Variants in GPCPD1 observed in about 807,000 individuals in gnomAD.
The protein encoded by GPCPD1 is glycerophosphocholine phosphodiesterase GPCPD1.
In GPCPD1, 29 loss-of-function variants were observed where a neutral mutation model predicts 89.2. That is an observed-to-expected ratio of 0.33 (90% CI 0.24 to 0.44). GPCPD1 has a LOEUF of 0.44. Among genes scored for constraint, GPCPD1 ranks in the 20% least tolerant of loss-of-function variants. The pLI, the probability that GPCPD1 is intolerant of heterozygous loss-of-function variation, is 1.00. For synonymous variants in GPCPD1, 258 were observed against 266.3 expected, an observed-to-expected ratio of 0.97 and a Z score of 0.30; for missense variants, 594 against 808.9, an observed-to-expected ratio of 0.73 and a Z score of 3.22.
intron 19 of GPCPD1, among the ~76,000 whole-genome samples, chr20:5,557,618 A>C (rs1248570935): frequency 6.6e-6 from 1 of 152,194 alleles, no homozygotes; most frequent in Non-Finnish European, 1.5e-5. Context: ...AGAACACAGA[A>C]AGTTATGAAA....
chr20:5,550,280 A>T (rs1985317570), intron 19 of GPCPD1, among the ~76,000 whole-genome samples: 1 of 141,028 alleles, frequency 7.1e-6, no homozygotes, highest in Non-Finnish European at 1.6e-5. Flanking sequence ...CTTTCAAATG[A>T]AGCAAAAAAA....
rs533845693 is a variant in GPCPD1 at position 5,550,014 on chromosome 20, G to A, written c.1830-2164C>T. 2.1e-3 allele frequency among the ~76,000 whole-genome samples: 320 copies of A among 151,980 alleles called. 5 individuals are homozygous for A. Among genetic ancestry groups the A allele is most frequent in the African/African-American group, 7.2e-3 (300 of 41,500 alleles). ...TCAAGACCAGCCTGGGCAACATGGC[G>A]AAACCCTGTCTCTACTAAAATACAA... On this transcript the variant is annotated intron_variant, in intron 19 of 19. Coordinates refer to ENST00000379019, the MANE Select transcript of GPCPD1 (RefSeq NM_019593.5).
At chr20:5,591,591 T>C (rs1038776463) in intron 4 of GPCPD1, among the ~76,000 whole-genome samples, 2 of 152,236 alleles carry the variant, frequency 1.3e-5, no homozygotes, top group African/African-American at 2.4e-5. Context: ...TTTATATTCG[T>C]AACATTATGT....
intron 15 of GPCPD1, among the ~76,000 whole-genome samples, chr20:5,564,403 C>T (rs1986258468): frequency 6.6e-6 from 1 of 151,760 alleles, no homozygotes; most frequent in Admixed American, 6.6e-5. Flanking sequence ...CTCTCCTTCC[C>T]ATTTATAAAC....
intron 19 of GPCPD1, among the ~76,000 whole-genome samples, chr20:5,555,681 C>A (rs1055611773): frequency 6.6e-6 from 1 of 152,146 alleles, no homozygotes; most frequent in African/African-American, 2.4e-5. Context: ...CATGGCAAAA[C>A]CTCTTCTCTA....
At chr20:5,565,522 T>C in intron 14 of GPCPD1, among the ~76,000 whole-genome samples, 1 of 152,274 alleles carries the variant, frequency 6.6e-6, no homozygotes, top group East Asian at 1.9e-4. Flanking sequence ...AGCCACCGTG[T>C]CCAGCCCCTA....
chr20:5,604,791 A>ACACACACACACACACG (rs1274752573), intron 1 of GPCPD1, among the ~76,000 whole-genome samples: 79 of 150,832 alleles, frequency 5.2e-4, no homozygotes, highest in Non-Finnish European at 4.3e-4. Flanking sequence ...ACACACACAC[A>ACACACACACACACACG]CACACACACA....
chr20:5,584,987 C>T (rs913079976), intron 5 of GPCPD1: 1 of 152,188 alleles, frequency 6.6e-6, no homozygotes, highest in African/African-American at 2.4e-5. Context: ...GTCTGAAATA[C>T]TTGCAAAATG....
In GPCPD1 at chr20:5,553,575, G is replaced by A. The variant is rs139845520; in HGVS notation, c.1829+4370C>T. On this transcript the variant is annotated intron_variant, in intron 19 of 19. Coordinates refer to ENST00000379019, the MANE Select transcript of GPCPD1 (RefSeq NM_019593.5). Reference sequence around the variant, plus strand: ...CCTCTTGAACCAAACTGTTAACCAAGTTATGAATGCAAAGTCCTTGAAGGA... The same window carrying A: ...CCTCTTGAACCAAACTGTTAACCAAATTATGAATGCAAAGTCCTTGAAGGA... Among the ~76,000 whole-genome samples the A allele has an allele frequency of 2.1e-3, 320 of 152,282 alleles. 1 individual carries two copies. Among genetic ancestry groups the A allele is most frequent in the African/African-American group, 7.3e-3 (303 of 41,562 alleles).
chr20:5,571,501 C>A (rs547617169), intron 11 of GPCPD1, among the ~76,000 whole-genome samples: 142 of 152,112 alleles, frequency 9.3e-4, no homozygotes, highest in African/African-American at 3.3e-3. Context: ...TTAAAATAAG[C>A]CAATAATAAT....
intron 15 of GPCPD1, among the ~76,000 whole-genome samples, chr20:5,564,527 C>T (rs1037689027): frequency 6.6e-6 from 1 of 152,128 alleles, no homozygotes; most frequent in African/African-American, 2.4e-5. Context: ...AAGTATACTA[C>T]ACAAGAATGA....
At chr20:5,565,159 A>G (rs1194309776) in intron 14 of GPCPD1, 81 bp from the exon 15 acceptor site, 2 of 765,962 alleles carry the variant, frequency 2.6e-6, no homozygotes, top group Non-Finnish European at 4.7e-6. Context: ...TAGTGCCAAA[A>G]AAAACAGGGA....
chr20:5,582,751 T>C (rs1443142993), intron 6 of GPCPD1, among the ~76,000 whole-genome samples: 1 of 151,668 alleles, frequency 6.6e-6, no homozygotes, highest in Non-Finnish European at 1.5e-5. Context: ...TAGCCAGGCG[T>C]GATGACACTC....
chr20:5,579,500 A>G (rs1162964230), intron 7 of GPCPD1, among the ~76,000 whole-genome samples: 1 of 152,142 alleles, frequency 6.6e-6, no homozygotes, highest in Non-Finnish European at 1.5e-5. Flanking sequence ...GGCGCCCAAC[A>G]GCATGCCCAG....
rs202059285 is a variant in GPCPD1, at chr20:5,573,987, A to G, written c.1002-18T>C. ...TAGCCAGCCTGAAAAGAAGAAATAC[A>G]GTTAACATAGACTATAGAGAAGATA... On this transcript the variant is annotated intron_variant, in intron 10 of 19. Coordinates refer to ENST00000379019, the MANE Select transcript of GPCPD1 (RefSeq NM_019593.5). The G allele has an allele frequency of 8.2e-7, 1 of 1,221,854 alleles. No homozygotes were observed. Among genetic ancestry groups the G allele is most frequent in the Non-Finnish European group, 1.2e-6 (1 of 822,852 alleles). 75.7% of individuals were successfully genotyped at this position (1,221,854 alleles called of 1,614,324 possible).
intron 16 of GPCPD1, 105 bp from the exon 17 acceptor site, chr20:5,560,181 A>G: frequency 1.5e-6 from 1 of 646,094 alleles, no homozygotes; most frequent in Non-Finnish European, 2.6e-6. Context: ...CCCTGACAGT[A>G]TCTAGTCCAA....
intron 6 of GPCPD1, among the ~76,000 whole-genome samples, chr20:5,580,934 C>T (rs1454260746): frequency 6.6e-6 from 1 of 150,494 alleles, no homozygotes; most frequent in Non-Finnish European, 1.5e-5. Flanking sequence ...AGTGCAGTGG[C>T]ACGATCTCAA....
chr20:5,561,667 C>A (rs1225663152), intron 15 of GPCPD1, 137 bp from the exon 16 acceptor site: 3 of 546,268 alleles, frequency 5.5e-6, no homozygotes, highest in East Asian at 5.9e-5. Context: ...GCATAATGCA[C>A]AAACATATTT....
chr20:5,607,372 C>CATG (rs1217589327), intron 1 of GPCPD1, among the ~76,000 whole-genome samples: 2 of 151,596 alleles, frequency 1.3e-5, no homozygotes, highest in Non-Finnish European at 2.9e-5. Flanking sequence ...GAGGGCAGAT[C>CATG]ATGAGGTCAG....
Sources: allele counts gnomAD v4.1 joint callset (sites outside exome capture counted in the v4.1 genomes callset), GRCh38; gene constraint gnomAD v4.1.1; transcripts MANE v1.5; gene names NCBI Gene and HGNC (gene_info 2026-07-23, HGNC 2026-07-21).